Variants in GRXCR2 observed in about 807,000 individuals in gnomAD.
GRXCR2 encodes the protein glutaredoxin domain-containing cysteine-rich protein 2.
A neutral mutation model predicts 24.8 loss-of-function variants in GRXCR2; 23 were observed. The ratio of observed to expected loss-of-function variants is 0.93; its 90% CI spans 0.67 to 1.32. The LOEUF is 1.32. GRXCR2 is among the 40% of genes most tolerant of loss of function. The pLI, the probability that GRXCR2 is intolerant of heterozygous loss-of-function variation, is 0.00. For synonymous variants in GRXCR2, 130 were observed against 116.1 expected (o/e 1.12, Z -0.77); for missense variants, 315 against 303.4 (o/e 1.04, Z -0.28).
At chr5:145,886,777 AT>A (rs1756785627) in intron 2 of GRXCR2, among the ~76,000 whole-genome samples, 1 of 152,202 alleles carries the variant, frequency 6.6e-6, no homozygotes, top group Non-Finnish European at 1.5e-5. Flanking sequence ...GATGAAATTA[AT>A]TTTATTAATA....
At chr5:145,900,842 C>T (rs988269393) in intron 2 of GRXCR2, among the ~76,000 whole-genome samples, 2 of 152,130 alleles carry the variant, frequency 1.3e-5, no homozygotes, top group Admixed American at 1.3e-4. Context: ...TGCACTTCAT[C>T]ACACTCAATG....
intron 2 of GRXCR2, among the ~76,000 whole-genome samples, chr5:145,897,674 A>T (rs2149921532): frequency 6.6e-6 from 1 of 152,258 alleles, no homozygotes; most frequent in Middle Eastern, 3.4e-3. Flanking sequence ...GATATCTCAA[A>T]ACCACATAAT....
In GRXCR2 at chr5:145,889,172, A is replaced by G. The variant is rs867760312; in HGVS notation, c.-69-22444T>C. Reference sequence around the variant, plus strand: ...TGACAGACCGAGACTCTGTCTCAAAAAAAGAAAGAAAGAAAGAAAGAAAGA... The same window carrying G: ...TGACAGACCGAGACTCTGTCTCAAAGAAAGAAAGAAAGAAAGAAAGAAAGA... On this transcript the variant is annotated intron_variant, in intron 2 of 3. Transcript: ENST00000639411. 2.0e-4 allele frequency among the ~76,000 whole-genome samples: 17 copies of G among 84,038 alleles called. 1 individual carries two copies. Among genetic ancestry groups the G allele is most frequent in the Middle Eastern group, 6.0e-3 (1 of 168 alleles). 55.1% of individuals were successfully genotyped at this position (84,038 alleles called of 152,430 possible).
intron 2 of GRXCR2, among the ~76,000 whole-genome samples, chr5:145,885,876 T>G (rs1193459509): frequency 6.6e-6 from 1 of 152,194 alleles, no homozygotes; most frequent in South Asian, 2.1e-4. Context: ...TACTGCTTAC[T>G]GGGCATGTTC....
At chr5:145,878,785 G>T (rs187726936) in intron 2 of GRXCR2, among the ~76,000 whole-genome samples, 6 of 152,268 alleles carry the variant, frequency 3.9e-5, no homozygotes, top group Non-Finnish European at 8.8e-5. Context: ...GAATGGTAAG[G>T]GCAGCCAGAC....
intron 2 of GRXCR2, among the ~76,000 whole-genome samples, chr5:145,894,676 G>A (rs189162433): frequency 6.6e-6 from 1 of 152,276 alleles, no homozygotes; most frequent in Non-Finnish European, 1.5e-5. Context: ...AGGACCGGAT[G>A]GATTCACAGC....
chr5:145,875,933 G>A (rs1047232770), upstream of GRXCR2, among the ~76,000 whole-genome samples: 8 of 152,082 alleles, frequency 5.3e-5, no homozygotes, highest in Admixed American at 2.6e-4. Context: ...GGAGGCTGAG[G>A]CAGGAGGGTT....
At chr5:145,882,539 G>T (rs1174516564) in intron 2 of GRXCR2, among the ~76,000 whole-genome samples, 3 of 152,224 alleles carry the variant, frequency 2.0e-5, no homozygotes, top group Non-Finnish European at 2.9e-5. Context: ...TGGAGAGGAT[G>T]TGGAGAAATA....
At chr5:145,868,262 G>T (rs1756468549) in intron 1 of GRXCR2, among the ~76,000 whole-genome samples, 1 of 152,062 alleles carries the variant, frequency 6.6e-6, no homozygotes, top group Admixed American at 6.6e-5. Flanking sequence ...CAATACCTCA[G>T]CATGAAGTAT....
intron 2 of GRXCR2, among the ~76,000 whole-genome samples, chr5:145,894,575 T>C (rs1266214475): frequency 6.6e-6 from 1 of 152,100 alleles, no homozygotes; most frequent in Admixed American, 6.5e-5. Flanking sequence ...CTCCCAAGAA[T>C]AAACCAGGAA....
upstream of GRXCR2, among the ~76,000 whole-genome samples, chr5:145,876,263 G>C (rs1400261869): frequency 2.2e-5 from 3 of 135,206 alleles, no homozygotes; most frequent in Admixed American, 2.2e-4. Flanking sequence ...ACATATAAAT[G>C]TAACAATTAT....
chr5:145,882,267 C>T (rs781732097), intron 2 of GRXCR2, among the ~76,000 whole-genome samples: 2 of 152,072 alleles, frequency 1.3e-5, no homozygotes, highest in Non-Finnish European at 2.9e-5. Context: ...TTGCAATCTA[C>T]GCATCTGACA....
intron 2 of GRXCR2, among the ~76,000 whole-genome samples, chr5:145,865,336 A>C (rs998946653): frequency 2.6e-5 from 4 of 152,204 alleles, no homozygotes; most frequent in African/African-American, 9.6e-5. Flanking sequence ...CCCCAACCTC[A>C]CACTGTGAAT....
chr5:145,866,134 CAAAA>C (rs71581841), intron 2 of GRXCR2, among the ~76,000 whole-genome samples: 3 of 85,866 alleles, frequency 3.5e-5, no homozygotes, highest in East Asian at 4.1e-4. Flanking sequence ...AACTCCTTCT[CAAAA>C]AAAAAAAAAA....
intron 2 of GRXCR2, among the ~76,000 whole-genome samples, chr5:145,894,420 A>T (rs928746046): frequency 6.6e-6 from 1 of 152,246 alleles, no homozygotes; most frequent in Non-Finnish European, 1.5e-5. Context: ...AGAAGAATCA[A>T]ATAGACGCAA....
intron 2 of GRXCR2, among the ~76,000 whole-genome samples, chr5:145,891,248 A>G (rs1413432570): frequency 6.6e-6 from 1 of 152,156 alleles, no homozygotes; most frequent in Non-Finnish European, 1.5e-5. Flanking sequence ...CAACTGAGGT[A>G]CCAGGTTCAA....
At chr5:145,878,495 G>T (rs1263554124) in intron 2 of GRXCR2, among the ~76,000 whole-genome samples, 6 of 152,136 alleles carry the variant, frequency 3.9e-5, no homozygotes, top group Middle Eastern at 3.4e-3. Flanking sequence ...CAAGGTTAGA[G>T]AAAAAAGAGT....
chr5:145,904,325 T>C (rs575377696), intron 2 of GRXCR2, among the ~76,000 whole-genome samples: 2 of 152,344 alleles, frequency 1.3e-5, no homozygotes, highest in Non-Finnish European at 2.9e-5. Context: ...GGGCCCACAG[T>C]AACCCGGATC....
intron 2 of GRXCR2, among the ~76,000 whole-genome samples, chr5:145,880,995 A>C (rs1043885991): frequency 2.6e-5 from 4 of 152,186 alleles, no homozygotes; most frequent in African/African-American, 9.7e-5. Flanking sequence ...CATGCTAAAA[A>C]CTCTCAATAA....
Sources: allele counts gnomAD v4.1 joint callset (sites outside exome capture counted in the v4.1 genomes callset), GRCh38; gene constraint gnomAD v4.1.1; transcripts MANE v1.5; gene names NCBI Gene and HGNC (gene_info 2026-07-23, HGNC 2026-07-21).